XRCC2: variants seen among roughly 807,000 people sequenced by gnomAD.
XRCC2 encodes the protein DNA repair protein XRCC2.
Under a neutral mutation model 27.3 loss-of-function variants are expected in XRCC2, and 24 were observed. That is an observed-to-expected ratio of 0.88 (90% CI 0.64 to 1.24). The LOEUF (loss-of-function observed/expected upper bound fraction) is 1.24. Ranked by LOEUF, XRCC2 falls within the 50% of genes most tolerant of loss-of-function variation. The probability of loss-of-function intolerance (pLI) is 0.00; values close to 1 mark genes in which losing one functional copy is unlikely to be tolerated. For synonymous variants in XRCC2, 106 were observed against 115.4 expected, an observed-to-expected ratio of 0.92 and a Z score of 0.52; for missense variants, 321 against 325.8, an observed-to-expected ratio of 0.99 and a Z score of 0.11.
chr7:152,666,007 A>T (rs907190007), intron 1 of XRCC2, among the ~76,000 whole-genome samples: 1 of 152,162 alleles, frequency 6.6e-6, no homozygotes, highest in East Asian at 1.9e-4. Context: ...CAGTTCCATT[A>T]AGCCAGATAT....
chr7:152,655,314 TAACA>T (rs1050892559), intron 2 of XRCC2, among the ~76,000 whole-genome samples: 32 of 152,348 alleles, frequency 2.1e-4, no homozygotes, highest in African/African-American at 6.7e-4. Flanking sequence ...ACCAATTATA[TAACA>T]AATATGTTGA....
chr7:152,671,720 G>A (rs748032116), intron 1 of XRCC2, among the ~76,000 whole-genome samples: 37 of 152,090 alleles, frequency 2.4e-4, no homozygotes, highest in Admixed American at 4.6e-4. Flanking sequence ...TAGTTAGACC[G>A]GGTGCCCATT....
chr7:152,663,548 G>A (rs542188738), intron 1 of XRCC2, among the ~76,000 whole-genome samples: 3 of 152,154 alleles, frequency 2.0e-5, no homozygotes, highest in African/African-American at 7.2e-5. Flanking sequence ...CCTGATAAAA[G>A]TGTCTTTGGG....
At chr7:152,658,924 A>G (rs1475595597) in intron 2 of XRCC2, among the ~76,000 whole-genome samples, 1 of 152,258 alleles carries the variant, frequency 6.6e-6, no homozygotes, top group Non-Finnish European at 1.5e-5. Flanking sequence ...TAGTGCTGCT[A>G]TAAACAAGAG....
intron 2 of XRCC2, among the ~76,000 whole-genome samples, chr7:152,655,861 A>T (rs1361901218): frequency 6.6e-6 from 1 of 150,818 alleles, no homozygotes; most frequent in African/African-American, 2.4e-5. Flanking sequence ...AAATACAAAA[A>T]ATTTGCTGGG....
chr7:152,646,490 ATTT>A lies in XRCC2; in HGVS notation c.*2149_*2151del, dbSNP rs1467737300. The A allele has an allele frequency of 1.3e-5, 2 of 151,962 alleles. No individual in the cohort carries two copies. The highest frequency in any genetic ancestry group is 4.8e-5 in the African/African-American group (2 of 41,372). 9.4% of individuals were successfully genotyped at this position (151,962 alleles called of 1,614,324 possible). ...GGTATGATCTTGTTCCTTATATTTT[ATTT>A]TTTATTTTTTAGAGATGGAGTCGCC... On this transcript the variant is annotated 3_prime_UTR_variant, in exon 3 of 3. Transcript: ENST00000359321.
At chr7:152,655,975 T>TCAAAA (rs1261705369) in intron 2 of XRCC2, among the ~76,000 whole-genome samples, 1 of 151,970 alleles carries the variant, frequency 6.6e-6, no homozygotes, top group Admixed American at 6.6e-5. Context: ...AGACTCTGTG[T>TCAAAA]CAAAACAAAA....
At chr7:152,662,565 ATTT>A (rs11323323) in intron 1 of XRCC2, among the ~76,000 whole-genome samples, 3,680 of 67,738 alleles carry the variant, frequency 0.054, 103 homozygotes, top group East Asian at 0.18. Flanking sequence ...TTTTATTTGC[ATTT>A]TTTTTTTTTT....
chr7:152,668,813 C>T (rs2098037006), intron 1 of XRCC2, among the ~76,000 whole-genome samples: 1 of 152,176 alleles, frequency 6.6e-6, no homozygotes, highest in African/African-American at 2.4e-5. Flanking sequence ...GTTCTATTAT[C>T]GTAACAATAG....
chr7:152,645,211 G>T lies in XRCC2; in HGVS notation c.*3431C>A, dbSNP rs4342505. 1.2e-4 allele frequency: 18 copies of T among 151,292 alleles called. No homozygotes were observed. The highest frequency in any genetic ancestry group is 4.4e-4 in the African/African-American group (18 of 41,314). The allele number at this position is 151,292 out of a possible 1,614,324, so 9.4% of individuals were successfully genotyped here. A position where few individuals can be genotyped will look rare whatever the true frequency, so the allele number is the denominator to read the frequency against. On this transcript the variant is annotated 3_prime_UTR_variant, in exon 3 of 3. Coordinates refer to ENST00000359321, the MANE Select transcript of XRCC2 (RefSeq NM_005431.2). ...CATATTTTTATTAGATTTATTTCTAGAAACTTTATATTTTTAGTTATGATT... is the reference window on the plus strand; with the variant it reads ...CATATTTTTATTAGATTTATTTCTATAAACTTTATATTTTTAGTTATGATT...
intron 1 of XRCC2, among the ~76,000 whole-genome samples, chr7:152,667,907 A>C (rs2098036648): frequency 6.6e-6 from 1 of 151,822 alleles, no homozygotes; most frequent in Non-Finnish European, 1.5e-5. Context: ...GGGCGCCTGT[A>C]ATCCTAGCTA....
At chr7:152,673,234 G>A (rs1299567858) in intron 1 of XRCC2, among the ~76,000 whole-genome samples, 10 of 152,062 alleles carry the variant, frequency 6.6e-5, no homozygotes, top group Admixed American at 6.6e-4. Flanking sequence ...CCAGGCTGGA[G>A]TGCAGTGGCG....
chr7:152,674,025 C>T (rs2098039281), intron 1 of XRCC2, among the ~76,000 whole-genome samples: 1 of 152,118 alleles, frequency 6.6e-6, no homozygotes, highest in East Asian at 1.9e-4. Context: ...TGGCAGTGGC[C>T]ACATAGTTCC....
chr7:152,663,842 GC>G (rs34500760), intron 1 of XRCC2: 107,357 of 145,974 alleles, frequency 0.74, 41,959 homozygotes, highest in Non-Finnish European at 0.88. Flanking sequence ...CTGTCCCCCT[GC>G]CCCCCCCCCC....
chr7:152,672,052 A>C (rs2098038408), intron 1 of XRCC2, among the ~76,000 whole-genome samples: 1 of 152,162 alleles, frequency 6.6e-6, no homozygotes, highest in Non-Finnish European at 1.5e-5. Context: ...AAAACATGAA[A>C]ATAAATATAT....
intron 2 of XRCC2, among the ~76,000 whole-genome samples, chr7:152,650,586 G>C (rs934309941): frequency 7.2e-5 from 11 of 152,180 alleles, no homozygotes; most frequent in African/African-American, 2.7e-4. Flanking sequence ...CCAACCAAAT[G>C]ATGGTCTAAA....
chr7:152,655,476 A>T (rs1327457772), intron 2 of XRCC2, among the ~76,000 whole-genome samples: 1 of 152,220 alleles, frequency 6.6e-6, no homozygotes, highest in African/African-American at 2.4e-5. Context: ...TGGGAGGCTG[A>T]GGTGGGCAGA....
At chr7:152,656,730 C>A (rs754510827) in intron 2 of XRCC2, among the ~76,000 whole-genome samples, 4 of 152,166 alleles carry the variant, frequency 2.6e-5, no homozygotes, top group Non-Finnish European at 5.9e-5. Flanking sequence ...TTAATAATAT[C>A]CTTCCTTACA....
At chr7:152,662,317 G>A (rs2098033465) in intron 1 of XRCC2, among the ~76,000 whole-genome samples, 1 of 151,950 alleles carries the variant, frequency 6.6e-6, no homozygotes, top group African/African-American at 2.4e-5. Context: ...ACAGATGTGA[G>A]GAGAGTTAAA....
Sources: gnomAD v4.1 joint callset for allele counts (sites outside exome capture counted in the v4.1 genomes callset) on GRCh38, gnomAD v4.1.1 for gene constraint, MANE v1.5 for transcripts, NCBI Gene and HGNC (gene_info 2026-07-23, HGNC 2026-07-21) for gene names.